PTPRT: variants seen among roughly 807,000 people sequenced by gnomAD.
PTPRT encodes the protein receptor-type tyrosine-protein phosphatase T.
In PTPRT, 56 loss-of-function variants were observed where a neutral mutation model predicts 176.8. The observed-to-expected ratio is 0.32, with a 90% CI of 0.26 to 0.40. The LOEUF (loss-of-function observed/expected upper bound fraction) is 0.40, where lower values mean the gene tolerates loss of function less well. Ranked by LOEUF, PTPRT falls within the 10% of genes least tolerant of loss-of-function variation. The probability of loss-of-function intolerance (pLI) is 1.00; values close to 1 mark genes in which losing one functional copy is unlikely to be tolerated. For synonymous variants in PTPRT, 783 were observed against 739.0 expected, an observed-to-expected ratio of 1.06 and a Z score of -0.96; for missense variants, 1,540 against 1,908.2, an observed-to-expected ratio of 0.81 and a Z score of 3.60.
intron 6 of PTPRT, among the ~76,000 whole-genome samples, chr20:42,692,090 T>C (rs954441656): frequency 1.3e-5 from 2 of 152,170 alleles, no homozygotes; most frequent in Non-Finnish European, 2.9e-5. Flanking sequence ...TGCTTGAAGG[T>C]GTTGGGTAGG....
At chr20:43,185,559 T>C (rs557140863) in intron 1 of PTPRT, among the ~76,000 whole-genome samples, 1 of 152,342 alleles carries the variant, frequency 6.6e-6, no homozygotes, top group South Asian at 2.1e-4. Context: ...CCAGATTTAC[T>C]AGTGTCATCT....
intron 11 of PTPRT, among the ~76,000 whole-genome samples, chr20:42,342,234 A>C (rs892778319): frequency 6.6e-6 from 1 of 152,196 alleles, no homozygotes; most frequent in African/African-American, 2.4e-5. Flanking sequence ...GGACAACCTC[A>C]TGGAGAAGGG....
At chr20:42,245,323 C>T (rs1302814919) in intron 14 of PTPRT, among the ~76,000 whole-genome samples, 4 of 152,168 alleles carry the variant, frequency 2.6e-5, no homozygotes, top group Non-Finnish European at 5.9e-5. Context: ...CCATATGGTT[C>T]CACATTCAAT....
At chr20:42,220,192 A>T (rs2055854647) in intron 15 of PTPRT, among the ~76,000 whole-genome samples, 1 of 152,156 alleles carries the variant, frequency 6.6e-6, no homozygotes, top group Non-Finnish European at 1.5e-5. Context: ...TACACATGGG[A>T]CCTACATGAC....
intron 1 of PTPRT, among the ~76,000 whole-genome samples, chr20:43,146,704 A>AT (rs2014181392): frequency 6.6e-6 from 1 of 152,124 alleles, no homozygotes. Flanking sequence ...TCTCACTTGC[A>AT]TGGGCCCCTT....
At chr20:43,158,119 G>A (rs183723909) in intron 1 of PTPRT, among the ~76,000 whole-genome samples, 31 of 152,278 alleles carry the variant, frequency 2.0e-4, no homozygotes, top group Middle Eastern at 6.8e-3. Flanking sequence ...CAGGTGGCTC[G>A]CAAGTGGAGG....
At chr20:42,420,743 T>G in intron 9 of PTPRT, among the ~76,000 whole-genome samples, 1 of 152,154 alleles carries the variant, frequency 6.6e-6, no homozygotes, top group East Asian at 1.9e-4. Context: ...TGTTAGTAGT[T>G]AAGCAATTCT....
intron 15 of PTPRT, among the ~76,000 whole-genome samples, chr20:42,200,688 G>A (rs527848723): frequency 2.6e-5 from 4 of 152,040 alleles, no homozygotes; most frequent in Non-Finnish European, 2.9e-5. Context: ...CAAATATTTC[G>A]AAAAAGCGAA....
In PTPRT at chr20:42,080,588, G is replaced by A; in HGVS notation, c.*291C>T. ...ACTCAGAACAAAAGCAGGTGGTCTGGGAGCCAGAAATCCAAGGCCTTGCTT... is the reference window on the plus strand; with the variant it reads ...ACTCAGAACAAAAGCAGGTGGTCTGAGAGCCAGAAATCCAAGGCCTTGCTT... On this transcript the variant is annotated 3_prime_UTR_variant, in exon 31 of 31. Coordinates refer to ENST00000373187, the MANE Select transcript of PTPRT (RefSeq NM_007050.6). The A allele has an allele frequency of 2.9e-6, 1 of 339,338 alleles. No individual in the cohort carries two copies. Among genetic ancestry groups the A allele is most frequent in the African/African-American group, 2.1e-5 (1 of 47,806 alleles). 21.0% of individuals were successfully genotyped at this position (339,338 alleles called of 1,614,324 possible). A position where few individuals can be genotyped will look rare whatever the true frequency, so the allele number is the denominator to read the frequency against.
rs1233969482 is a variant in PTPRT, at chr20:43,163,518, G to A, written c.88+26128C>T. 5.3e-5 allele frequency among the ~76,000 whole-genome samples: 8 copies of A among 152,154 alleles called. No homozygotes were observed. The East Asian group carries it at 1.2e-3, about 22-fold the overall frequency. On this transcript the variant is annotated intron_variant, in intron 1 of 30. Transcript: ENST00000373187. Reference sequence around the variant, plus strand: ...CCAGGCGTGGTGGTGGGCGCCTATAGTCCCAGCTACTCAGGAGGCTGTGGC... The same window carrying A: ...CCAGGCGTGGTGGTGGGCGCCTATAATCCCAGCTACTCAGGAGGCTGTGGC...
chr20:43,066,543 C>T (rs1345895408), intron 1 of PTPRT, among the ~76,000 whole-genome samples: 5 of 152,142 alleles, frequency 3.3e-5, no homozygotes, highest in East Asian at 1.9e-4. Flanking sequence ...TGAAGAAGTA[C>T]GAGAGACAAA....
intron 13 of PTPRT, among the ~76,000 whole-genome samples, chr20:42,268,681 C>T (rs928477918): frequency 3.9e-5 from 6 of 152,172 alleles, no homozygotes; most frequent in Admixed American, 6.5e-5. Flanking sequence ...ATTAGTTTTG[C>T]ACGTGAAATA....
intron 15 of PTPRT, among the ~76,000 whole-genome samples, chr20:42,213,093 C>T (rs1185795259): frequency 6.6e-6 from 1 of 152,164 alleles, no homozygotes; most frequent in East Asian, 1.9e-4. Context: ...AGTGTGGTTT[C>T]CCTGGACCAG....
intron 2 of PTPRT, among the ~76,000 whole-genome samples, chr20:42,854,985 A>C (rs2078536076): frequency 6.6e-6 from 1 of 152,306 alleles, no homozygotes; most frequent in Middle Eastern, 3.4e-3. Flanking sequence ...GCAACTTTAC[A>C]TGAACATTTG....
chr20:42,626,679 G>A (rs550995862), intron 7 of PTPRT, among the ~76,000 whole-genome samples: 1 of 152,294 alleles, frequency 6.6e-6, no homozygotes, highest in African/African-American at 2.4e-5. Context: ...AGCCAGCTCG[G>A]AGAAACGGGC....
chr20:42,886,759 G>C (rs2079109523), intron 1 of PTPRT, among the ~76,000 whole-genome samples: 1 of 152,354 alleles, frequency 6.6e-6, no homozygotes, highest in African/African-American at 2.4e-5. Flanking sequence ...CATTGAGAGA[G>C]ATGTGGGGTG....
chr20:42,581,208 C>G (rs568487606), intron 7 of PTPRT, among the ~76,000 whole-genome samples: 1 of 152,314 alleles, frequency 6.6e-6, no homozygotes, highest in Admixed American at 6.5e-5. Context: ...TCTCTCTCAT[C>G]TCTTTCAAGT....
chr20:43,168,168 A>G (rs1279326271), intron 1 of PTPRT, among the ~76,000 whole-genome samples: 1 of 152,232 alleles, frequency 6.6e-6, no homozygotes, highest in Non-Finnish European at 1.5e-5. Flanking sequence ...TGAATTTAAA[A>G]GAACAGATTA....
intron 6 of PTPRT, among the ~76,000 whole-genome samples, chr20:42,735,141 C>G (rs2076519747): frequency 6.6e-6 from 1 of 152,174 alleles, no homozygotes; most frequent in Non-Finnish European, 1.5e-5. Context: ...GCTGATGATT[C>G]ATTGAAGCTC....
Sources: allele counts gnomAD v4.1 joint callset (sites outside exome capture counted in the v4.1 genomes callset), GRCh38; gene constraint gnomAD v4.1.1; transcripts MANE v1.5; gene names NCBI Gene and HGNC (gene_info 2026-07-23, HGNC 2026-07-21).